Variants in LRP10 observed in about 807,000 individuals in gnomAD.
The protein encoded by LRP10 is low-density lipoprotein receptor-related protein 10.
In LRP10, 42 loss-of-function variants were observed where a neutral mutation model predicts 58.5. That is an observed-to-expected ratio of 0.72 (90% confidence interval 0.56 to 0.93). The LOEUF (loss-of-function observed/expected upper bound fraction) is 0.93, where lower values mean the gene tolerates loss of function less well. LRP10 is among the 40% of genes least tolerant of loss of function. LRP10 has a pLI of 0.00. For missense variants in LRP10, 872 were observed against 940.1 expected (o/e 0.93, Z 0.95); for synonymous variants, 377 against 388.5 (o/e 0.97, Z 0.35).
chr14:22,875,352 C>T lies in LRP10; in HGVS notation c.407-3C>T. 6.2e-7 allele frequency: 1 copy of T among 1,609,338 alleles called. No individual in the cohort carries two copies. Among genetic ancestry groups the T allele is most frequent in the Non-Finnish European group, 8.5e-7 (1 of 1,176,782 alleles). ...ACAGCCCCTCTCCATGGTGCCTCTG[C>T]AGATTGGCTGATGTGCCTGCAGGAA... On this transcript the variant is annotated splice_region_variant and splice_polypyrimidine_tract_variant and intron_variant, in intron 4 of 6. Transcript: ENST00000359591.
chr14:22,873,095 C>A (rs1214056345), intron 2 of LRP10: 2 of 617,354 alleles, frequency 3.2e-6, no homozygotes, highest in Admixed American at 3.0e-5. Context: ...CAGAATTGTT[C>A]GTGATATTAG....
In LRP10 at chr14:22,878,135, A is replaced by G. The variant is rs2040027185; in HGVS notation, c.*608A>G. 1 of 152,318 alleles carries G rather than the reference A, an allele frequency of 6.6e-6. No homozygotes were observed. The highest frequency in any genetic ancestry group is 1.5e-5 in the Non-Finnish European group (1 of 68,122). The allele number at this position is 152,318 out of a possible 1,614,324, so 9.4% of individuals were successfully genotyped here. A position where few individuals can be genotyped will look rare whatever the true frequency, so the allele number is the denominator to read the frequency against. On this transcript the variant is annotated 3_prime_UTR_variant, in exon 7 of 7. Coordinates refer to ENST00000359591, the MANE Select transcript of LRP10 (RefSeq NM_014045.5). The stretch of plus-strand genomic sequence containing the variant: ...GCCCCGCCTCTGCCCATCTCAGTCT[A>G]TGCTCACCTCATCCCACTCCTCCCT...
At chr14:22,872,843 ACT>A (rs1036428978) in intron 2 of LRP10, 61 bp downstream of exon 2, 3 of 1,542,920 alleles carry the variant, frequency 1.9e-6, no homozygotes, top group African/African-American at 1.4e-5. Context: ...GTCGAGAAGG[ACT>A]CTCTGTTCCC....
At chr14:22,876,665 C>T (rs775144383) in intron 5 of LRP10, 24 bp from the exon 6 acceptor site, 11 of 1,609,826 alleles carry the variant, frequency 6.8e-6, no homozygotes, top group Non-Finnish European at 9.3e-6. Flanking sequence ...CTACCAGTGA[C>T]TGAGCAGTCC....
At position 22,877,110 on chromosome 14, in the gene LRP10, C is replaced by G. The variant is rs982288915; in HGVS notation, c.1725C>G (p.Ala575=). The change falls in exon 7 of 7, where the codon GCC becomes GCG. Residue 575 remains alanine (A), a synonymous_variant. Transcript: ENST00000359591. This position sits in a 1 kb window ranked among gnomAD's most constrained non-coding sequence, Gnocchi z 5.1. The stretch of plus-strand genomic sequence containing the variant: ...CTCGAACCAACACCCCGGCTCGGGC[C>G]TCTGAGGCCAGATCCCAGGTCACAC... The part of the protein sequence containing the change: ...LLPRTNTPAR[A]SEARSQVTPS... The G allele has an allele frequency of 1.6e-5, 26 of 1,613,314 alleles. No individual in the cohort carries two copies. The highest frequency in any genetic ancestry group is 1.6e-4 in the Middle Eastern group (1 of 6,078).
At position 22,876,236 on chromosome 14, in the gene LRP10, G is replaced by T; in HGVS notation, c.1288G>T (p.Glu430Ter). ...GQPDCADGSDEWDCSYVLPRK... is the reference protein window; with the variant it reads ...GQPDCADGSD Reference sequence around the variant, plus strand: ...GCCAGACTGTGCGGACGGCAGTGATGAGTGGGACTGCTCCTATGTTCTGCC... The same window carrying T: ...GCCAGACTGTGCGGACGGCAGTGATTAGTGGGACTGCTCCTATGTTCTGCC... The change falls in exon 5 of 7, where the codon GAG (glutamate) becomes TAG (stop). Residue 430 changes from glutamate to a stop codon, truncating the protein, a stop_gained. Coordinates refer to ENST00000359591, the MANE Select transcript of LRP10 (RefSeq NM_014045.5). LOFTEE classifies it high-confidence loss of function. The T allele has an allele frequency of 6.2e-7, 1 of 1,614,218 alleles. No homozygotes were observed. The highest frequency in any genetic ancestry group is 8.5e-7 in the Non-Finnish European group (1 of 1,180,042).
In LRP10 at chr14:22,879,078, C is replaced by T. The variant is rs2040036706; in HGVS notation, c.*1551C>T. On this transcript the variant is annotated 3_prime_UTR_variant, in exon 7 of 7. Transcript: ENST00000359591. ...GGCAGAGCCTGTCACCCAGCCTAGC[C>T]CCACGCCTGGCAGAGCCCATCACCC... 2 of 424,210 alleles carry T rather than the reference C, an allele frequency of 4.7e-6. No homozygotes were observed. The highest frequency in any genetic ancestry group is 9.7e-6 in the Non-Finnish European group (2 of 207,022). 26.3% of individuals were successfully genotyped at this position (424,210 alleles called of 1,614,324 possible).
chr14:22,873,978 T>G (rs1367637683), intron 3 of LRP10, among the ~76,000 whole-genome samples: 1 of 152,194 alleles, frequency 6.6e-6, no homozygotes, highest in African/African-American at 2.4e-5. Flanking sequence ...ACATCTAGCT[T>G]GAGTCCTGCG....
chr14:22,876,450 A>G, intron 5 of LRP10, 78 bp downstream of exon 5: 3 of 1,536,780 alleles, frequency 2.0e-6, no homozygotes, highest in Non-Finnish European at 1.8e-6. Context: ...GGAGACCACG[A>G]AAGTGCCCAC....
At position 22,876,317 on chromosome 14, in the gene LRP10, G is replaced by A; in HGVS notation, c.1369G>A (p.Val457Ile). Residue 457 changes from valine to isoleucine, a missense_variant, in exon 5 of 7, where the codon GTC becomes ATC. By Grantham distance (29) the Val-to-Ile change is conservative. Transcript: ENST00000359591. The part of the protein sequence containing the change: ...IGSLVCGLLL[V>I]IALGCTCKLY... Reference sequence around the variant, plus strand: ...CAGCCTAGTGTGCGGCCTGCTCCTGGTCATCGCCCTGGGCTGCACCTGCAA... The same window carrying A: ...CAGCCTAGTGTGCGGCCTGCTCCTGATCATCGCCCTGGGCTGCACCTGCAA... 6.2e-7 allele frequency: 1 copy of A among 1,614,072 alleles called. No homozygotes were observed. Among genetic ancestry groups the A allele is most frequent in the Admixed American group, 1.7e-5 (1 of 60,022 alleles).
chr14:22,875,706 C>T lies in LRP10; in HGVS notation c.758C>T (p.Pro253Leu). The change falls in exon 5 of 7, where the codon CCT becomes CTT. Residue 253 changes from proline (P) to leucine (L), a missense_variant. Pro to Leu is a moderately conservative substitution (Grantham distance 98). Transcript: ENST00000359591. Reference sequence around the variant, plus strand: ...GATGCAGTGCATGTGTATGACGGCCCTGGGCCCCCTGAGAGCTCCCGACTA... The same window carrying T: ...GATGCAGTGCATGTGTATGACGGCCTTGGGCCCCCTGAGAGCTCCCGACTA... Reference protein sequence around the residue: ...FGDAVHVYDGPGPPESSRLLR... With the variant: ...FGDAVHVYDGLGPPESSRLLR... The T allele has an allele frequency of 6.2e-7, 1 of 1,613,966 alleles. No homozygotes were observed. Among genetic ancestry groups the T allele is most frequent in the Admixed American group, 1.7e-5 (1 of 60,030 alleles).
chr14:22,875,421 G>A lies in LRP10; in HGVS notation c.473G>A (p.Arg158His), dbSNP rs764424911. The A allele has an allele frequency of 2.1e-5, 34 of 1,614,068 alleles. No homozygotes were observed. Among genetic ancestry groups the A allele is most frequent in the East Asian group, 4.5e-5 (2 of 44,898 alleles). ...LNHRCVSAVQRCDGVDACGDG... is the reference protein window; with the variant it reads ...LNHRCVSAVQHCDGVDACGDG... ...CACCGCTGTGTATCTGCTGTCCAGC[G>A]CTGTGATGGGGTTGATGCCTGTGGC... The change falls in exon 5 of 7, where the codon CGC (arginine) becomes CAC (histidine). Residue 158 changes from arginine to histidine, a missense_variant. By Grantham distance (29) the Arg-to-His change is conservative (BLOSUM62 0). Transcript: ENST00000359591.
Position 22,875,726 on chromosome 14 carries a change from C to T in LRP10, c.778C>T (p.Arg260Ter). 2.5e-6 allele frequency: 4 copies of T among 1,613,912 alleles called. No homozygotes were observed. The highest frequency in any genetic ancestry group is 1.6e-4 in the Middle Eastern group (1 of 6,062). Residue 260 changes from arginine to a stop codon, truncating the protein, a stop_gained, in exon 5 of 7, where the codon CGA becomes TGA. Coordinates refer to ENST00000359591, the MANE Select transcript of LRP10 (RefSeq NM_014045.5). LOFTEE classifies it high-confidence loss of function. Reference sequence around the variant, plus strand: ...CGGCCCTGGGCCCCCTGAGAGCTCCCGACTACTGCGTAGTCTCACCCACTT... The same window carrying T: ...CGGCCCTGGGCCCCCTGAGAGCTCCTGACTACTGCGTAGTCTCACCCACTT... ...YDGPGPPESSRLLRSLTHFSN... is the reference protein window; with the variant it reads ...YDGPGPPESS
At position 22,876,794 on chromosome 14, in the gene LRP10, C is replaced by T. The variant is rs766536623; in HGVS notation, c.1530C>T (p.Asp510=). 12 of 1,613,782 alleles carry T rather than the reference C, an allele frequency of 7.4e-6. No individual in the cohort carries two copies. In the African/African-American group the frequency reaches 1.3e-4, roughly 18 times the overall value. ...IAQGAIPPVE[D]FPTENPNDNS... The stretch of plus-strand genomic sequence containing the variant: ...AGGGTGCCATCCCACCTGTAGAAGA[C>T]TTTCCTACAGAGAATCCTAATGATG... Residue 510 remains aspartate, a synonymous_variant, in exon 6 of 7, where the codon GAC becomes GAT. Transcript: ENST00000359591.
rs577074841 is a variant in LRP10, at chr14:22,875,391, T to C, written c.443T>C (p.Leu148Pro). The C allele has an allele frequency of 2.5e-6, 4 of 1,613,832 alleles. No individual in the cohort carries two copies. The highest frequency in any genetic ancestry group is 1.1e-5 in the South Asian group (1 of 91,070). The change falls in exon 5 of 7, where the codon CTG (leucine) becomes CCG (proline). Residue 148 changes from leucine to proline, a missense_variant. Physicochemically the swap from Leu to Pro is moderately conservative, Grantham distance 98. Coordinates refer to ENST00000359591, the MANE Select transcript of LRP10 (RefSeq NM_014045.5). ...TGCCTGCAGGAAGAGTTTCAGTGCC[T>C]GAACCACCGCTGTGTATCTGCTGTC... ...LMCLQEEFQC[L>P]NHRCVSAVQR...
Position 22,877,766 on chromosome 14 carries a change from T to TTTTAATGATA in LRP10, c.*239_*240insTTTAATGATA. ...GCCATGGCCAGACACCCCAGTCCCT[T>TTTTAATGATA]CACCACCACCTGCTCCCCACGCCAC... is the stretch of plus-strand genomic sequence containing the variant. On this transcript the variant is annotated 3_prime_UTR_variant, in exon 7 of 7. Coordinates refer to ENST00000359591, the MANE Select transcript of LRP10 (RefSeq NM_014045.5). The surrounding 1 kb of genome is among the most constrained non-coding windows in gnomAD (Gnocchi z 5.1). The TTTTAATGATA allele has an allele frequency of 2.4e-6, 1 of 418,760 alleles. No homozygotes were observed. The highest frequency in any genetic ancestry group is 4.2e-6 in the Non-Finnish European group (1 of 237,652). The allele number at this position is 418,760 out of a possible 1,614,324, so 25.9% of individuals were successfully genotyped here.
At chr14:22,872,416 A>G in intron 1 of LRP10, 79 bp downstream of exon 1, 1 of 1,544,830 alleles carries the variant, frequency 6.5e-7, no homozygotes, top group East Asian at 2.3e-5. Context: ...GCGGCCCCGC[A>G]CTCTATCCTG....
In LRP10 at chr14:22,875,745, CCCA is replaced by C; in HGVS notation, c.799_801del (p.His267del). On this transcript the variant is annotated inframe_deletion, in exon 5 of 7. Transcript: ENST00000359591. ...AGCTCCCGACTACTGCGTAGTCTCA[CCCA>C]CTTCAGCAATGGCAAGGCTGTCACT... is the stretch of plus-strand genomic sequence containing the variant. 6.2e-7 allele frequency: 1 copy of C among 1,614,034 alleles called. No homozygotes were observed. Among genetic ancestry groups the C allele is most frequent in the Non-Finnish European group, 8.5e-7 (1 of 1,179,902 alleles).
At position 22,879,506 on chromosome 14, in the gene LRP10, T is replaced by C. The variant is rs2040041112; in HGVS notation, c.*1979T>C. ...TCTCCTTTGCTCTTCTCTTCCCCCATAGCCACCTCAAATACCTGCAGCCTG... is the reference window on the plus strand; with the variant it reads ...TCTCCTTTGCTCTTCTCTTCCCCCACAGCCACCTCAAATACCTGCAGCCTG... On this transcript the variant is annotated 3_prime_UTR_variant, in exon 7 of 7. Transcript: ENST00000359591. The C allele has an allele frequency of 9.2e-6, 2 of 216,826 alleles. No individual in the cohort carries two copies. The highest frequency in any genetic ancestry group is 2.0e-5 in the Non-Finnish European group (2 of 99,402). 13.4% of individuals were successfully genotyped at this position (216,826 alleles called of 1,614,324 possible). A position where few individuals can be genotyped will look rare whatever the true frequency, so the allele number is the denominator to read the frequency against.
Sources: allele counts gnomAD v4.1 joint callset (sites outside exome capture counted in the v4.1 genomes callset), GRCh38; gene constraint gnomAD v4.1.1; non-coding constraint Gnocchi (gnomAD v3.1); transcripts MANE v1.5; gene names NCBI Gene and HGNC (gene_info 2026-07-23, HGNC 2026-07-21).